Variants in IGF2BP3 observed in about 807,000 individuals in gnomAD.
IGF2BP3 encodes insulin like growth factor 2 mRNA binding protein 3, also known as insulin-like growth factor 2 mRNA-binding protein 3.
In IGF2BP3, 9 loss-of-function variants were observed where a neutral mutation model predicts 73.8. The observed-to-expected ratio is 0.12, with a 90% CI of 0.07 to 0.21. The LOEUF is 0.21. IGF2BP3 is among the 10% of genes least tolerant of loss of function. The pLI is 1.00. For missense variants in IGF2BP3, 542 were observed against 714.0 expected, an observed-to-expected ratio of 0.76 and a Z score of 2.75; for synonymous variants, 258 against 256.7, an observed-to-expected ratio of 1.01 and a Z score of -0.05.
intron 2 of IGF2BP3, among the ~76,000 whole-genome samples, chr7:23,438,886 G>A (rs767872958): frequency 2.7e-4 from 41 of 152,016 alleles, no homozygotes; most frequent in Non-Finnish European, 4.7e-4. Context: ...AAAATTTAAC[G>A]ATTCTACTTT....
At chr7:23,436,219 A>T (rs1322482429) in intron 2 of IGF2BP3, among the ~76,000 whole-genome samples, 1 of 152,248 alleles carries the variant, frequency 6.6e-6, no homozygotes, top group Non-Finnish European at 1.5e-5. Context: ...GGAAAATTGG[A>T]ATATTTAATA....
chr7:23,371,648 C>A, intron 3 of IGF2BP3, among the ~76,000 whole-genome samples: 1 of 152,176 alleles, frequency 6.6e-6, no homozygotes, highest in South Asian at 2.1e-4. Context: ...ACAGACCAGA[C>A]CATTAATAAG....
chr7:23,430,329 CGCCTCG>C (rs1562749153), intron 2 of IGF2BP3, among the ~76,000 whole-genome samples: 1 of 152,172 alleles, frequency 6.6e-6, no homozygotes, highest in Admixed American at 6.5e-5. Flanking sequence ...GTGATCCGCC[CGCCTCG>C]GCGGGATTAC....
At chr7:23,381,461 A>G (rs1490683749) in intron 3 of IGF2BP3, among the ~76,000 whole-genome samples, 1 of 152,226 alleles carries the variant, frequency 6.6e-6, no homozygotes, top group East Asian at 1.9e-4. Context: ...CAGAAAGTTG[A>G]TAAATTTTGA....
chr7:23,411,021 G>A (rs12700438), intron 3 of IGF2BP3, among the ~76,000 whole-genome samples: 37,526 of 151,970 alleles, frequency 0.25, 4,846 homozygotes, highest in South Asian at 0.34. Flanking sequence ...CTTATTGGCC[G>A]AGTGGCCTGC....
At chr7:23,375,821 A>G (rs1018658765) in intron 3 of IGF2BP3, among the ~76,000 whole-genome samples, 9 of 152,350 alleles carry the variant, frequency 5.9e-5, no homozygotes, top group African/African-American at 2.2e-4. Context: ...GAAGAGGTAG[A>G]TTCCAAAGTC....
At chr7:23,429,377 G>T (rs915981817) in intron 2 of IGF2BP3, among the ~76,000 whole-genome samples, 1 of 152,106 alleles carries the variant, frequency 6.6e-6, no homozygotes, top group Non-Finnish European at 1.5e-5. Context: ...AGGAAACAAA[G>T]GCAGAAGTAA....
intron 3 of IGF2BP3, among the ~76,000 whole-genome samples, chr7:23,378,263 T>G (rs1410460946): frequency 1.3e-5 from 2 of 152,122 alleles, no homozygotes; most frequent in African/African-American, 2.4e-5. Flanking sequence ...TCTTTTCACT[T>G]TTCAAGTTTT....
At chr7:23,422,036 C>T (rs1326876107) in intron 2 of IGF2BP3, among the ~76,000 whole-genome samples, 3 of 152,046 alleles carry the variant, frequency 2.0e-5, no homozygotes, top group African/African-American at 7.2e-5. Context: ...ATCTTGACCT[C>T]CCCAAAGTGC....
chr7:23,469,800 C>A lies in IGF2BP3; in HGVS notation c.175+136G>T. 1 of 401,326 alleles carries A rather than the reference C, an allele frequency of 2.5e-6. No homozygotes were observed. Among genetic ancestry groups the A allele is most frequent in the South Asian group, 1.3e-4 (1 of 7,808 alleles). The allele number at this position is 401,326 out of a possible 1,614,324, so 24.9% of individuals were successfully genotyped here. ...TGAGGAGAGCCCCGGCCCCCACGCG[C>A]GTGGGTGTGGGCGCTCAGGCCTCAC... On this transcript the variant is annotated intron_variant, in intron 1 of 14. Transcript: ENST00000258729. This position sits in a 1 kb window ranked among gnomAD's most constrained non-coding sequence, Gnocchi z 6.1.
chr7:23,371,035 A>C (rs1331114619), intron 3 of IGF2BP3, among the ~76,000 whole-genome samples: 1 of 152,166 alleles, frequency 6.6e-6, no homozygotes, highest in African/African-American at 2.4e-5. Context: ...ATTTGTCAGG[A>C]ATTTATACAA....
In IGF2BP3 at chr7:23,443,102, ATTTTTTTTTTTT is replaced by A. The variant is rs34674050; in HGVS notation, c.237-24290_237-24279del. 2.6e-4 allele frequency among the ~76,000 whole-genome samples: 22 copies of A among 85,816 alleles called. 1 individual carries two copies. Among genetic ancestry groups the A allele is most frequent in the Non-Finnish European group, 4.0e-4 (19 of 47,514 alleles). 56.3% of individuals were successfully genotyped at this position (85,816 alleles called of 152,430 possible). A position where few individuals can be genotyped will look rare whatever the true frequency, so the allele number is the denominator to read the frequency against. Reference sequence around the variant, plus strand: ...ATCTACATATTTAAACATTACAGTGATTTTTTTTTTTTTTTTTTTTTTTTTTTTGAGACTGTG... The same window carrying A: ...ATCTACATATTTAAACATTACAGTGATTTTTTTTTTTTTTTTGAGACTGTG... On this transcript the variant is annotated intron_variant, in intron 2 of 14. Coordinates refer to ENST00000258729, the MANE Select transcript of IGF2BP3 (RefSeq NM_006547.3).
intron 3 of IGF2BP3, among the ~76,000 whole-genome samples, chr7:23,400,449 T>C (rs1217609678): frequency 6.6e-6 from 1 of 152,142 alleles, no homozygotes; most frequent in South Asian, 2.1e-4. Flanking sequence ...AGGTTCTTCA[T>C]ATCTCTGTGT....
At chr7:23,374,770 G>C (rs1231809051) in intron 3 of IGF2BP3, among the ~76,000 whole-genome samples, 2 of 152,106 alleles carry the variant, frequency 1.3e-5, no homozygotes, top group Non-Finnish European at 2.9e-5. Flanking sequence ...ATTTCACATA[G>C]GTTCTTTTCT....
At chr7:23,432,452 C>T (rs1302684133) in intron 2 of IGF2BP3, among the ~76,000 whole-genome samples, 2 of 152,002 alleles carry the variant, frequency 1.3e-5, no homozygotes, top group African/African-American at 4.8e-5. Flanking sequence ...TCACACTGGG[C>T]CTTTGTTTTA....
At position 23,407,429 on chromosome 7, in the gene IGF2BP3, A is replaced by G. The variant is rs550915044; in HGVS notation, c.285+11347T>C. 2.6e-5 allele frequency among the ~76,000 whole-genome samples: 4 copies of G among 151,792 alleles called. No individual in the cohort carries two copies. The East Asian group carries it at 5.8e-4, about 22-fold the overall frequency. ...TTCGAGACCAGCCTGACTAACATGGAGAAACCCCATCTCTACTAAAAATGC... is the reference window on the plus strand; with the variant it reads ...TTCGAGACCAGCCTGACTAACATGGGGAAACCCCATCTCTACTAAAAATGC... On this transcript the variant is annotated intron_variant, in intron 3 of 14. Coordinates refer to ENST00000258729, the MANE Select transcript of IGF2BP3 (RefSeq NM_006547.3).
chr7:23,423,460 G>C (rs1787408244), intron 2 of IGF2BP3, among the ~76,000 whole-genome samples: 1 of 152,132 alleles, frequency 6.6e-6, no homozygotes, highest in Non-Finnish European at 1.5e-5. Context: ...TAATTACCAA[G>C]TCATTAAAGT....
At chr7:23,412,724 C>A (rs1412799394) in intron 3 of IGF2BP3, among the ~76,000 whole-genome samples, 2 of 152,018 alleles carry the variant, frequency 1.3e-5, no homozygotes, top group Non-Finnish European at 2.9e-5. Context: ...GGGAAGGTAC[C>A]CCCAGCTTTG....
chr7:23,418,234 C>G (rs921284625), intron 3 of IGF2BP3, among the ~76,000 whole-genome samples: 4 of 152,120 alleles, frequency 2.6e-5, no homozygotes, highest in Admixed American at 2.0e-4. Flanking sequence ...TTTCTTTTAT[C>G]CCTTCAACTA....
Sources: allele counts gnomAD v4.1 joint callset (sites outside exome capture counted in the v4.1 genomes callset), GRCh38; gene constraint gnomAD v4.1.1; non-coding constraint Gnocchi (gnomAD v3.1); transcripts MANE v1.5; gene names NCBI Gene and HGNC (gene_info 2026-07-23, HGNC 2026-07-21).